CCBE1: variants seen among roughly 807,000 people sequenced by gnomAD.
The protein encoded by CCBE1 is collagen and calcium binding EGF domains 1.
A neutral mutation model predicts 50.0 loss-of-function variants in CCBE1; 37 were observed. That is an observed-to-expected ratio of 0.74 (90% CI 0.57 to 0.97). CCBE1 has a LOEUF of 0.97. Ranked by LOEUF, CCBE1 falls within the 50% of genes least tolerant of loss-of-function variation. CCBE1 has a pLI of 0.00. For synonymous variants in CCBE1, 234 were observed against 203.7 expected, an observed-to-expected ratio of 1.15 and a Z score of -1.27; for missense variants, 538 against 523.8, an observed-to-expected ratio of 1.03 and a Z score of -0.26.
At chr18:59,558,265 G>A (rs1337374645) in intron 2 of CCBE1, among the ~76,000 whole-genome samples, 1 of 152,210 alleles carries the variant, frequency 6.6e-6, no homozygotes, top group Non-Finnish European at 1.5e-5. Flanking sequence ...CTAGTTAGTT[G>A]AGGTTGTTGA....
chr18:59,696,662 A>G lies in CCBE1; in HGVS notation c.179T>C (p.Leu60Pro), dbSNP rs1568278644. 1 of 1,614,108 alleles carries G rather than the reference A, an allele frequency of 6.2e-7. No homozygotes were observed. The change falls in exon 2 of 11, where the codon CTG (leucine) becomes CCG (proline). Residue 60 changes from leucine (L) to proline (P), a missense_variant. Physicochemically the swap from Leu to Pro is moderately conservative, Grantham distance 98. Transcript: ENST00000439986. ...TGTGGTGAGCTCGCCTGAAGACTTC[A>G]GACACGGGTATTTAGTCGTCGCGAT... Reference protein sequence around the residue: ...SKIATTKYPCLKSSGELTTCY... With the variant: ...SKIATTKYPCPKSSGELTTCY...
chr18:59,571,715 T>A (rs1223266112), intron 2 of CCBE1, among the ~76,000 whole-genome samples: 1 of 152,190 alleles, frequency 6.6e-6, no homozygotes, highest in Non-Finnish European at 1.5e-5. Context: ...AATCTGTACA[T>A]ATATGGAGGG....
rs909291474 is a variant in CCBE1 at position 59,435,531 on chromosome 18, A to C, written c.*377T>G. 18 of 308,404 alleles carry C rather than the reference A, an allele frequency of 5.8e-5. No individual in the cohort carries two copies. Among genetic ancestry groups the C allele is most frequent in the African/African-American group, 3.7e-4 (17 of 46,274 alleles). The allele number at this position is 308,404 out of a possible 1,614,324, so 19.1% of individuals were successfully genotyped here. On this transcript the variant is annotated 3_prime_UTR_variant, in exon 11 of 11. Coordinates refer to ENST00000439986, the MANE Select transcript of CCBE1 (RefSeq NM_133459.4). The stretch of plus-strand genomic sequence containing the variant: ...GTAGCCTCACATTTTCTTAGAGCTC[A>C]CTTTGTCATTTTCCCCCTTTTGATA...
chr18:59,634,798 A>G (rs2053895141), intron 2 of CCBE1, among the ~76,000 whole-genome samples: 1 of 152,356 alleles, frequency 6.6e-6, no homozygotes, highest in African/African-American at 2.4e-5. Context: ...AGCTGATACT[A>G]AAAACTCAAA....
chr18:59,492,977 C>T (rs1913180082), intron 2 of CCBE1, among the ~76,000 whole-genome samples: 1 of 152,218 alleles, frequency 6.6e-6, no homozygotes, highest in African/African-American at 2.4e-5. Context: ...CTTCCTCCCA[C>T]CACACTGTGG....
At chr18:59,685,199 T>C (rs1414383726) in intron 2 of CCBE1, among the ~76,000 whole-genome samples, 1 of 152,028 alleles carries the variant, frequency 6.6e-6, no homozygotes, top group Admixed American at 6.6e-5. Flanking sequence ...GAGCCTACAA[T>C]ACAAAATAAA....
intron 5 of CCBE1, among the ~76,000 whole-genome samples, chr18:59,460,891 C>T (rs909949331): frequency 1.1e-4 from 17 of 151,354 alleles, no homozygotes; most frequent in South Asian, 4.2e-4. Flanking sequence ...GCGGATATCG[C>T]GCCACTGCAC....
intron 2 of CCBE1, among the ~76,000 whole-genome samples, chr18:59,630,730 T>C (rs2144625400): frequency 6.6e-6 from 1 of 152,342 alleles, no homozygotes; most frequent in Non-Finnish European, 1.5e-5. Flanking sequence ...AGGGTCCCAA[T>C]GAACAAGGCT....
In CCBE1 at chr18:59,622,664, G is replaced by T. The variant is rs555123720; in HGVS notation, c.212+73965C>A. 2.6e-5 allele frequency among the ~76,000 whole-genome samples: 4 copies of T among 151,560 alleles called. No homozygotes were observed. The East Asian group carries it at 7.8e-4, about 29-fold the overall frequency. On this transcript the variant is annotated intron_variant, in intron 2 of 10. Transcript: ENST00000439986. Reference sequence around the variant, plus strand: ...AAAAATACAAAATGTAGCTGGGCGTGGTGGCATGCGCCTATAATCCCAGCT... The same window carrying T: ...AAAAATACAAAATGTAGCTGGGCGTTGTGGCATGCGCCTATAATCCCAGCT...
At chr18:59,648,777 T>C (rs756355168) in intron 2 of CCBE1, among the ~76,000 whole-genome samples, 1 of 152,198 alleles carries the variant, frequency 6.6e-6, no homozygotes, top group Non-Finnish European at 1.5e-5. Flanking sequence ...ACTCAGCTAG[T>C]GATGGGTGCA....
At chr18:59,583,061 C>G (rs2053109274) in intron 2 of CCBE1, among the ~76,000 whole-genome samples, 1 of 152,162 alleles carries the variant, frequency 6.6e-6, no homozygotes, top group African/African-American at 2.4e-5. Flanking sequence ...TTAAGTGATC[C>G]TCTCACCTTG....
At chr18:59,506,518 T>G (rs547784601) in intron 2 of CCBE1, among the ~76,000 whole-genome samples, 8 of 152,372 alleles carry the variant, frequency 5.3e-5, no homozygotes, top group Non-Finnish European at 1.2e-4. Context: ...AACACTGTGC[T>G]GGGCAGACCA....
intron 2 of CCBE1, among the ~76,000 whole-genome samples, chr18:59,635,551 C>G (rs2053904484): frequency 6.6e-6 from 1 of 151,978 alleles, no homozygotes; most frequent in African/African-American, 2.4e-5. Flanking sequence ...TTAAAAATCA[C>G]AGATACAATA....
chr18:59,570,975 T>C (rs2052904349), intron 2 of CCBE1, among the ~76,000 whole-genome samples: 1 of 152,208 alleles, frequency 6.6e-6, no homozygotes, highest in South Asian at 2.1e-4. Flanking sequence ...TGCTTCAATT[T>C]CATGCTCCAT....
chr18:59,606,810 C>T (rs1225428441), intron 2 of CCBE1, among the ~76,000 whole-genome samples: 1 of 152,230 alleles, frequency 6.6e-6, no homozygotes, highest in Non-Finnish European at 1.5e-5. Flanking sequence ...TGCTATTTCT[C>T]TCACTACATA....
intron 2 of CCBE1, among the ~76,000 whole-genome samples, chr18:59,522,294 C>T (rs534992200): frequency 5.5e-4 from 83 of 152,092 alleles, no homozygotes; most frequent in Non-Finnish European, 8.5e-4. Context: ...AGTGAAACAA[C>T]GTAAGATGAA....
At chr18:59,486,817 C>T (rs1352676797) in intron 2 of CCBE1, among the ~76,000 whole-genome samples, 2 of 152,082 alleles carry the variant, frequency 1.3e-5, no homozygotes, top group Non-Finnish European at 2.9e-5. Flanking sequence ...CAACAAGAAG[C>T]AAGAGGTATA....
chr18:59,438,132 C>G lies in CCBE1; in HGVS notation c.966G>C (p.Ala322=), dbSNP rs144169027. 1 of 1,614,086 alleles carries G rather than the reference C, an allele frequency of 6.2e-7. No individual in the cohort carries two copies. Residue 322 remains alanine, a synonymous_variant, in exon 10 of 11, where the codon GCG becomes GCC. Transcript: ENST00000439986. The stretch of plus-strand genomic sequence containing the variant: ...TTACTGGAGACCCTCTGGGCCCAGG[C>G]GCTCCTCTCTCCCCCTAAAAACAGA... The part of the protein sequence containing the change: ...GRDGSKGERG[A]PGPRGSPGPP...
At chr18:59,677,945 T>C (rs936665171) in intron 2 of CCBE1, among the ~76,000 whole-genome samples, 7 of 152,198 alleles carry the variant, frequency 4.6e-5, no homozygotes, top group Non-Finnish European at 8.8e-5. Context: ...AAAGCAATCC[T>C]AGTATACACA....
Sources: allele counts gnomAD v4.1 joint callset (sites outside exome capture counted in the v4.1 genomes callset), GRCh38; gene constraint gnomAD v4.1.1; transcripts MANE v1.5; gene names NCBI Gene and HGNC (gene_info 2026-07-23, HGNC 2026-07-21).